The following PGGHG variants were observed in gnomAD, a reference collection of about 807,000 sequenced individuals.
The protein encoded by PGGHG is ATH1, acid trehalase-like 1.
Under a neutral mutation model 74.5 loss-of-function variants are expected in PGGHG, and 67 were observed. The observed-to-expected ratio is 0.90, with a 90% CI of 0.74 to 1.10. The LOEUF is 1.10. PGGHG is among the 50% of genes least tolerant of loss of function. The pLI, the probability that PGGHG is intolerant of heterozygous loss-of-function variation, is 0.00. For synonymous variants in PGGHG, 496 were observed against 419.9 expected (o/e 1.18, Z -2.21); for missense variants, 1,034 against 981.5 (o/e 1.05, Z -0.72).
In PGGHG at chr11:294,641, TG is replaced by T. The variant is rs1564843236; in HGVS notation, c.2109del (p.Arg704GlyfsTer62). On this transcript the variant is annotated frameshift_variant, in exon 14 of 14. Coordinates refer to ENST00000409548, the MANE Select transcript of PGGHG (RefSeq NM_025092.5). LOFTEE classifies it low-confidence loss of function (END_TRUNC). Reference sequence around the variant, plus strand: ...CTGGAAGTTCCAGCTCCGAGTTCCCTGGGAGGACTTTTTCAGATGTTAGGGA... The same window carrying T: ...CTGGAAGTTCCAGCTCCGAGTTCCCTGGAGGACTTTTTCAGATGTTAGGGA... ...LPGSSSSEFP[G>X]RTFSDVRDPL... 6.5e-6 allele frequency: 10 copies of T among 1,538,842 alleles called. No individual in the cohort carries two copies. The highest frequency in any genetic ancestry group is 8.8e-6 in the Non-Finnish European group (10 of 1,135,898).
rs889854093 is a variant in PGGHG, at chr11:290,702, C to T, written c.495C>T (p.Thr165=). The change falls in exon 4 of 14, where the codon ACC becomes ACT. Residue 165 remains threonine (T), a synonymous_variant. Coordinates refer to ENST00000409548, the MANE Select transcript of PGGHG (RefSeq NM_025092.5). The stretch of plus-strand genomic sequence containing the variant: ...GGTACCTGTATGGCCACACCCTCAC[C>T]CCTGAGCAGCCCGGGGGGCCACAGC... The part of the protein sequence containing the change: ...GARYLYGHTL[T]PEQPGGPQQE... The T allele has an allele frequency of 1.2e-6, 2 of 1,603,770 alleles. No individual in the cohort carries two copies. Among genetic ancestry groups the T allele is most frequent in the Non-Finnish European group, 1.7e-6 (2 of 1,173,848 alleles).
rs934062998 is a variant in PGGHG, at chr11:289,145, C to G, written c.-108C>G. On this transcript the variant is annotated 5_prime_UTR_variant, in exon 1 of 14. Transcript: ENST00000409548. The surrounding 1 kb of genome is among the most constrained non-coding windows in gnomAD (Gnocchi z 5.6). ...GGGACCGCGGACCTTCCTGGTGGCG[C>G]GGCAGCCGGGCGGCTCCTCCTTCCT... 28 of 150,836 alleles carry G rather than the reference C, an allele frequency of 1.9e-4. No individual in the cohort carries two copies. The highest frequency in any genetic ancestry group is 6.5e-4 in the African/African-American group (27 of 41,298). 9.3% of individuals were successfully genotyped at this position (150,836 alleles called of 1,614,324 possible). A position where few individuals can be genotyped will look rare whatever the true frequency, so the allele number is the denominator to read the frequency against.
chr11:294,045 C>T lies in PGGHG; in HGVS notation c.1711-54C>T. On this transcript the variant is annotated intron_variant, in intron 11 of 13. Transcript: ENST00000409548. ...TCCTGCCGGATCTTGGGACAGCAGC[C>T]CAGAGAGGACGGTGACCTGGGGGTC... 8.9e-6 allele frequency: 14 copies of T among 1,581,096 alleles called. 1 individual carries two copies. In the South Asian group the frequency reaches 9.3e-5, roughly 10 times the overall value.
chr11:292,985 T>G lies in PGGHG; in HGVS notation c.1258T>G (p.Tyr420Asp). ...TGAGTGGAGCCCCAGGGAGGAAAAGTACCACCTGAGGGGTGAGGCCATGGT... is the reference window on the plus strand; with the variant it reads ...TGAGTGGAGCCCCAGGGAGGAAAAGGACCACCTGAGGGGTGAGGCCATGGT... ...RVEWSPREEK[Y>D]HLRGVMSPDE... Residue 420 changes from tyrosine (Y) to aspartate (D), a missense_variant, in exon 7 of 14, where the codon TAC becomes GAC. Transcript: ENST00000409548. 1 of 1,607,284 alleles carries G rather than the reference T, an allele frequency of 6.2e-7. No individual in the cohort carries two copies. The highest frequency in any genetic ancestry group is 1.7e-4 in the Middle Eastern group (1 of 6,040).
In PGGHG at chr11:293,685, T is replaced by G; in HGVS notation, c.1572T>G (p.Ile524Met). Residue 524 changes from isoleucine (I) to methionine (M), a missense_variant, in exon 10 of 14, where the codon ATT becomes ATG. By Grantham distance (10) the Ile-to-Met change is conservative. Coordinates refer to ENST00000409548, the MANE Select transcript of PGGHG (RefSeq NM_025092.5). ...ATGTTCGCAGGAAAAATCTGGAGATTTACGAGGCTGTGACGTCCCCCCAGG... is the reference window on the plus strand; with the variant it reads ...ATGTTCGCAGGAAAAATCTGGAGATGTACGAGGCTGTGACGTCCCCCCAGG... ...SPDVRRKNLE[I>M]YEAVTSPQGP... 4 of 1,613,204 alleles carry G rather than the reference T, an allele frequency of 2.5e-6. No individual in the cohort carries two copies. The East Asian group carries it at 8.9e-5, about 36-fold the overall frequency.
At chr11:292,788 A>C in intron 6 of PGGHG, 98 bp from the exon 7 acceptor site, 1 of 1,607,328 alleles carries the variant, frequency 6.2e-7, no homozygotes, top group Non-Finnish European at 8.5e-7. Flanking sequence ...GGCTGAGGAC[A>C]GGTGTCTCAA....
rs567335493 is a variant in PGGHG, at chr11:295,617, A to T, written c.*868A>T. The T allele has an allele frequency of 6.6e-6, 1 of 152,416 alleles. No homozygotes were observed. The highest frequency in any genetic ancestry group is 2.4e-5 in the African/African-American group (1 of 41,580). The allele number at this position is 152,416 out of a possible 1,614,324, so 9.4% of individuals were successfully genotyped here. A position where few individuals can be genotyped will look rare whatever the true frequency, so the allele number is the denominator to read the frequency against. On this transcript the variant is annotated 3_prime_UTR_variant, in exon 14 of 14. Coordinates refer to ENST00000409548, the MANE Select transcript of PGGHG (RefSeq NM_025092.5). The stretch of plus-strand genomic sequence containing the variant: ...ATCTGCTGCTGAAACCCTGATGAGG[A>T]CCAGGCCCCCTGCACCGCTGTCAGC...
Position 293,622 on chromosome 11 carries a change from G to A in PGGHG, c.1509G>A (p.Val503=). 1 of 1,613,596 alleles carries A rather than the reference G, an allele frequency of 6.2e-7. No individual in the cohort carries two copies. The highest frequency in any genetic ancestry group is 1.7e-5 in the Admixed American group (1 of 60,012). The change falls in exon 10 of 14, where the codon GTG becomes GTA. Residue 503 remains valine (V), a synonymous_variant. Coordinates refer to ENST00000409548, the MANE Select transcript of PGGHG (RefSeq NM_025092.5). ...AGGTGGTGAAGCAGGCAGACGTCGT[G>A]CTCCTGGGATACCCAGTCCCCTTCT... The part of the protein sequence containing the change: ...PGEVVKQADV[V]LLGYPVPFSL...
At position 289,704 on chromosome 11, in the gene PGGHG, C is replaced by A; in HGVS notation, c.-13-100C>A. 1 of 1,394,638 alleles carries A rather than the reference C, an allele frequency of 7.2e-7. No homozygotes were observed. Among genetic ancestry groups the A allele is most frequent in the Non-Finnish European group, 9.5e-7 (1 of 1,058,082 alleles). 86.4% of individuals were successfully genotyped at this position (1,394,638 alleles called of 1,614,324 possible). On this transcript the variant is annotated intron_variant, in intron 1 of 13. Transcript: ENST00000409548. This position sits in a 1 kb window ranked among gnomAD's most constrained non-coding sequence, Gnocchi z 5.6. ...CGGGGCTGCCCAGCTGGTTCCGCAACTCCCCCCAGTTCTGAGGGAGGCTTC... is the reference window on the plus strand; with the variant it reads ...CGGGGCTGCCCAGCTGGTTCCGCAAATCCCCCCAGTTCTGAGGGAGGCTTC...
In PGGHG at chr11:293,498, G is replaced by A. The variant is rs762030480; in HGVS notation, c.1476G>A (p.Glu492=). The change falls in exon 9 of 14, where the codon GAG becomes GAA. Residue 492 remains glutamate (E), a synonymous_variant. Transcript: ENST00000409548. The stretch of plus-strand genomic sequence containing the variant: ...TCCACCCGGAGTTCGATGGGTATGA[G>A]CCTGGTGAGTGGACCCCTTCAAGGG... The part of the protein sequence containing the change: ...QNFHPEFDGY[E]PGEVVKQADV... 3.7e-6 allele frequency: 6 copies of A among 1,611,368 alleles called. No homozygotes were observed. Among genetic ancestry groups the A allele is most frequent in the South Asian group, 2.2e-5 (2 of 91,086 alleles).
intron 10 of PGGHG, 50 bp from the exon 11 acceptor site, chr11:293,780 G>A (rs1467392263): frequency 1.9e-6 from 3 of 1,613,418 alleles, no homozygotes; most frequent in South Asian, 2.2e-5. Flanking sequence ...AGTCTTCTCT[G>A]CCCACGCAGT....
chr11:291,320 T>C lies in PGGHG; in HGVS notation c.906+207T>C, dbSNP rs549442826. On this transcript the variant is annotated intron_variant, in intron 4 of 13. Transcript: ENST00000409548. Reference sequence around the variant, plus strand: ...TGCAGAGACCAGAGCTGAGAGGGCCTGAGGCACTTTCCAGAGCGTGGGGAG... The same window carrying C: ...TGCAGAGACCAGAGCTGAGAGGGCCCGAGGCACTTTCCAGAGCGTGGGGAG... 603 of 600,086 alleles carry C rather than the reference T, an allele frequency of 1.0e-3. 1 individual carries two copies. The highest frequency in any genetic ancestry group is 2.0e-3 in the Admixed American group (56 of 28,178). The allele number at this position is 600,086 out of a possible 1,614,324, so 37.2% of individuals were successfully genotyped here.
Position 292,697 on chromosome 11 carries a change from C to G in PGGHG, c.1158+20C>G, listed in dbSNP as rs978701733. 1.2e-6 allele frequency: 2 copies of G among 1,613,568 alleles called. No homozygotes were observed. The highest frequency in any genetic ancestry group is 2.7e-5 in the African/African-American group (2 of 75,068). On this transcript the variant is annotated intron_variant, in intron 6 of 13. Transcript: ENST00000409548. Reference sequence around the variant, plus strand: ...ACCCAGGTGAGGTGCTGCGTGCCCACCATTCCTGCAAGTGTGGCCAGGCAG... The same window carrying G: ...ACCCAGGTGAGGTGCTGCGTGCCCAGCATTCCTGCAAGTGTGGCCAGGCAG...
chr11:294,202 T>A lies in PGGHG; in HGVS notation c.1808+6T>A. On this transcript the variant is annotated splice_donor_region_variant and intron_variant, in intron 12 of 13. Transcript: ENST00000409548. ...TTCGGGTGCACGGGGTTCAGGTAAG[T>A]GCAGAGGCTGGCAGAGGGCAGCCCA... The A allele has an allele frequency of 1.2e-6, 2 of 1,605,320 alleles. No homozygotes were observed. Among genetic ancestry groups the A allele is most frequent in the Non-Finnish European group, 1.7e-6 (2 of 1,175,254 alleles).
Position 290,991 on chromosome 11 carries a change from T to C in PGGHG, c.784T>C (p.Tyr262His). 6.2e-7 allele frequency: 1 copy of C among 1,612,770 alleles called. No homozygotes were observed. Among genetic ancestry groups the C allele is most frequent in the Non-Finnish European group, 8.5e-7 (1 of 1,179,994 alleles). Residue 262 changes from tyrosine (Y) to histidine (H), a missense_variant, in exon 4 of 14, where the codon TAC (tyrosine) becomes CAC (histidine). Physicochemically the swap from Tyr to His is moderately conservative, Grantham distance 83 (BLOSUM62 2). Coordinates refer to ENST00000409548, the MANE Select transcript of PGGHG (RefSeq NM_025092.5). ...CCAGGCCCTGCGTGGCTCCCTCTAC[T>C]ACCTGCTCAGTGCCCTGCCCCAGCC... ...LRQALRGSLY[Y>H]LLSALPQPKA...
chr11:291,574 G>A (rs1590285239), intron 4 of PGGHG: 3 of 257,258 alleles, frequency 1.2e-5, no homozygotes, highest in Non-Finnish European at 1.5e-5. Context: ...GATGGCTGCT[G>A]GGCGTGGAGG....
At chr11:290,648 C>T (rs1192667880) in intron 3 of PGGHG, 30 bp from the exon 4 acceptor site, 2 of 1,609,672 alleles carry the variant, frequency 1.2e-6, no homozygotes, top group Non-Finnish European at 1.7e-6. Flanking sequence ...GGAGGGAGCT[C>T]ATCCCTGAGG....
chr11:294,074 G>T, intron 11 of PGGHG, 25 bp from the exon 12 acceptor site: 1 of 1,589,494 alleles, frequency 6.3e-7, no homozygotes, highest in East Asian at 2.2e-5. Context: ...GGGGGTCCTG[G>T]TGTCAGCTGC....
intron 9 of PGGHG, 21 bp downstream of exon 9, chr11:293,523 G>C: frequency 6.2e-7 from 1 of 1,611,656 alleles, no homozygotes; most frequent in South Asian, 1.1e-5. Flanking sequence ...CCCTTCAAGG[G>C]CTCCTCCCCT....
Sources: gnomAD v4.1 joint callset for allele counts on GRCh38, gnomAD v4.1.1 for gene constraint, Gnocchi (gnomAD v3.1) non-coding constraint, MANE v1.5 for transcripts, NCBI Gene and HGNC (gene_info 2026-07-23, HGNC 2026-07-21) for gene names.